The following NCALD variants were observed in gnomAD, a reference collection of about 807,000 sequenced individuals.
NCALD encodes neurocalcin-delta.
A neutral mutation model predicts 18.6 loss-of-function variants in NCALD; 10 were observed. The ratio of observed to expected loss-of-function variants is 0.54; its 90% CI spans 0.33 to 0.91. The LOEUF (loss-of-function observed/expected upper bound fraction) is 0.91, where lower values mean the gene tolerates loss of function less well. NCALD is among the 40% of genes least tolerant of loss of function. The pLI is 0.03. For synonymous variants in NCALD, 88 were observed against 87.4 expected, an observed-to-expected ratio of 1.01 and a Z score of -0.04; for missense variants, 184 against 247.6, an observed-to-expected ratio of 0.74 and a Z score of 1.72.
At chr8:102,042,892 G>C (rs1823103525) in intron 1 of NCALD, among the ~76,000 whole-genome samples, 3 of 151,896 alleles carry the variant, frequency 2.0e-5, no homozygotes, top group Non-Finnish European at 4.4e-5. Flanking sequence ...GCCAGGCCCA[G>C]AGAGTTCAAG....
intron 1 of NCALD, among the ~76,000 whole-genome samples, chr8:102,051,590 G>A (rs1823461630): frequency 6.6e-6 from 1 of 152,168 alleles, no homozygotes; most frequent in South Asian, 2.1e-4. Flanking sequence ...TACAAAAGGT[G>A]AATGAATGAA....
At chr8:101,805,357 G>C (rs2131108252) in intron 4 of NCALD, among the ~76,000 whole-genome samples, 1 of 152,240 alleles carries the variant, frequency 6.6e-6, no homozygotes, top group South Asian at 2.1e-4. Context: ...TAGGACACCA[G>C]CCTTTCTTCA....
intron 1 of NCALD, among the ~76,000 whole-genome samples, chr8:101,761,292 C>G (rs907177420): frequency 1.3e-5 from 2 of 152,192 alleles, no homozygotes; most frequent in Non-Finnish European, 2.9e-5. Context: ...GGTGCTTTAA[C>G]GAGGCATCCA....
At chr8:101,872,240 G>C in intron 4 of NCALD, 1 of 1,436,586 alleles carries the variant, frequency 7.0e-7, no homozygotes, top group South Asian at 1.1e-5. Context: ...GTAACTTCTT[G>C]AACATAATAC....
intron 1 of NCALD, among the ~76,000 whole-genome samples, chr8:102,108,813 T>C (rs1399585679): frequency 6.6e-6 from 1 of 152,156 alleles, no homozygotes; most frequent in African/African-American, 2.4e-5. Flanking sequence ...GTGATCAAAG[T>C]AGCTAACCAA....
At chr8:101,700,173 G>A (rs1815193063) in intron 2 of NCALD, among the ~76,000 whole-genome samples, 1 of 151,844 alleles carries the variant, frequency 6.6e-6, no homozygotes, top group African/African-American at 2.4e-5. Context: ...CAATCCTCCT[G>A]TCCCAGCCTC....
intron 2 of NCALD, among the ~76,000 whole-genome samples, chr8:102,008,312 T>C (rs1821780020): frequency 6.6e-6 from 1 of 152,084 alleles, no homozygotes; most frequent in Non-Finnish European, 1.5e-5. Flanking sequence ...ACTTGGCCCA[T>C]CATGACTGAG....
chr8:101,819,536 A>AGAT (rs1276450515), intron 4 of NCALD, among the ~76,000 whole-genome samples: 8 of 151,666 alleles, frequency 5.3e-5, no homozygotes, highest in African/African-American at 1.7e-4. Flanking sequence ...TATCCCAGTG[A>AGAT]GATTATTATT....
chr8:101,812,118 T>C (rs956281686), intron 4 of NCALD, among the ~76,000 whole-genome samples: 1 of 152,134 alleles, frequency 6.6e-6, no homozygotes, highest in Non-Finnish European at 1.5e-5. Context: ...CTGTGGAAAA[T>C]GACAACATCG....
rs890185788 is a variant in NCALD at position 101,869,447 on chromosome 8, C to A, written c.-20+17694G>T. On this transcript the variant is annotated intron_variant, in intron 4 of 6. Transcript: ENST00000311028. Reference sequence around the variant, plus strand: ...TAGGGCATCCAGAAGGAATGCAGCCCTGCTGGGACCTTGATTTTAGACTCT... The same window carrying A: ...TAGGGCATCCAGAAGGAATGCAGCCATGCTGGGACCTTGATTTTAGACTCT... 2.6e-5 allele frequency among the ~76,000 whole-genome samples: 4 copies of A among 152,288 alleles called. No homozygotes were observed. The East Asian group carries it at 7.7e-4, about 29-fold the overall frequency.
intron 1 of NCALD, among the ~76,000 whole-genome samples, chr8:101,748,490 G>C (rs1810518577): frequency 6.6e-6 from 1 of 152,140 alleles, no homozygotes; most frequent in East Asian, 1.9e-4. Flanking sequence ...ACAAAAGTGT[G>C]GTCCTTCGTG....
At chr8:101,791,318 C>A (rs116963687), upstream of NCALD, among the ~76,000 whole-genome samples, 263 of 152,236 alleles carry the variant, frequency 1.7e-3, 2 homozygotes, top group East Asian at 0.042. Context: ...TCACTACCAT[C>A]AGCATGAAGC....
intron 4 of NCALD, among the ~76,000 whole-genome samples, chr8:101,865,843 G>C (rs1815745567): frequency 6.6e-6 from 1 of 152,100 alleles, no homozygotes; most frequent in African/African-American, 2.4e-5. Context: ...GAATATCCTT[G>C]TGCCTAAAAT....
intron 1 of NCALD, among the ~76,000 whole-genome samples, chr8:101,778,106 TA>T (rs1255347140): frequency 6.6e-6 from 1 of 152,194 alleles, no homozygotes; most frequent in Non-Finnish European, 1.5e-5. Flanking sequence ...AGTTCATCCC[TA>T]AAAATAAAGC....
At chr8:101,852,168 G>C (rs1815121825) in intron 4 of NCALD, among the ~76,000 whole-genome samples, 1 of 152,170 alleles carries the variant, frequency 6.6e-6, no homozygotes, top group South Asian at 2.1e-4. Context: ...ACGGCAGCCT[G>C]AATGGACTGA....
chr8:102,118,604 G>A (rs1034416941), intron 1 of NCALD, among the ~76,000 whole-genome samples: 3 of 152,228 alleles, frequency 2.0e-5, no homozygotes, highest in African/African-American at 4.8e-5. Context: ...TCTCGATGCC[G>A]TATTTACATT....
At chr8:101,911,341 TCTTTTC>T (rs1352523980) in intron 3 of NCALD, among the ~76,000 whole-genome samples, 2 of 149,166 alleles carry the variant, frequency 1.3e-5, no homozygotes, top group Non-Finnish European at 3.0e-5. Context: ...TATGAATTTC[TCTTTTC>T]TTTTTTTTCT....
chr8:101,943,988 A>G (rs201988182), intron 2 of NCALD, among the ~76,000 whole-genome samples: 6,315 of 148,842 alleles, frequency 0.042, 309 homozygotes, highest in African/African-American at 0.11. Flanking sequence ...ACAAAAAAAA[A>G]CAGAAAAAAA....
chr8:101,880,898 G>A (rs983113588), intron 4 of NCALD, among the ~76,000 whole-genome samples: 1 of 152,150 alleles, frequency 6.6e-6, no homozygotes, highest in Non-Finnish European at 1.5e-5. Flanking sequence ...GGAGATAAAT[G>A]TGAAAAGATT....
Sources: allele counts gnomAD v4.1 joint callset (sites outside exome capture counted in the v4.1 genomes callset), GRCh38; gene constraint gnomAD v4.1.1; transcripts MANE v1.5; gene names NCBI Gene and HGNC (gene_info 2026-07-23, HGNC 2026-07-21).